Variants in TRAPPC9 observed in about 807,000 individuals in gnomAD.
TRAPPC9 encodes the protein IKK2 binding protein.
TRAPPC9 carries 83 observed loss-of-function variants against 124.0 expected under a neutral mutation model. The ratio of observed to expected loss-of-function variants is 0.67; its 90% CI spans 0.56 to 0.80. The LOEUF (loss-of-function observed/expected upper bound fraction) is 0.80, where lower values mean the gene tolerates loss of function less well. TRAPPC9 is among the 30% of genes least tolerant of loss of function. The pLI, the probability that TRAPPC9 is intolerant of heterozygous loss-of-function variation, is 0.00. For synonymous variants in TRAPPC9, 638 were observed against 617.5 expected, an observed-to-expected ratio of 1.03 and a Z score of -0.49; for missense variants, 1,302 against 1,508.3, an observed-to-expected ratio of 0.86 and a Z score of 2.27.
rs1042365120 is a variant in TRAPPC9, at chr8:140,395,974, T to C, written c.1134+1646A>G. 5.3e-5 allele frequency among the ~76,000 whole-genome samples: 8 copies of C among 152,072 alleles called. No individual in the cohort carries two copies. In the East Asian group the frequency reaches 1.5e-3, roughly 29 times the overall value. On this transcript the variant is annotated intron_variant, in intron 7 of 22. Coordinates refer to ENST00000438773, the MANE Select transcript of TRAPPC9 (RefSeq NM_001160372.4). ...CTTTCCACGTAGACTCCCAAGCACG[T>C]TTCCAGCGGGCTGGCCTTCCTGCCA...
intron 9 of TRAPPC9, among the ~76,000 whole-genome samples, chr8:140,313,260 T>C (rs531946328): frequency 2.9e-4 from 44 of 152,344 alleles, no homozygotes; most frequent in Admixed American, 1.6e-3. Flanking sequence ...AGAGCACTTA[T>C]GGTTGAGGTA....
At chr8:139,875,360 C>T (rs550166629) in intron 21 of TRAPPC9, among the ~76,000 whole-genome samples, 1 of 152,286 alleles carries the variant, frequency 6.6e-6, no homozygotes, top group East Asian at 1.9e-4. Context: ...GGAGACTGCG[C>T]CTGAAACACA....
At chr8:140,354,127 G>A (rs2067669684) in intron 9 of TRAPPC9, among the ~76,000 whole-genome samples, 2 of 152,168 alleles carry the variant, frequency 1.3e-5, no homozygotes, top group Non-Finnish European at 2.9e-5. Flanking sequence ...TGTGAGAGTG[G>A]GAAAAGATGA....
At chr8:139,893,680 T>G (rs542186508) in intron 20 of TRAPPC9, among the ~76,000 whole-genome samples, 1 of 152,348 alleles carries the variant, frequency 6.6e-6, no homozygotes, top group East Asian at 1.9e-4. Context: ...TCACCAGCAG[T>G]GCACCCACAA....
At chr8:139,761,174 A>G (rs1308412261) in intron 21 of TRAPPC9, among the ~76,000 whole-genome samples, 3 of 152,232 alleles carry the variant, frequency 2.0e-5, no homozygotes, top group Non-Finnish European at 4.4e-5. Context: ...TCCCTGAACC[A>G]CGTCCTGGGC....
intron 17 of TRAPPC9, among the ~76,000 whole-genome samples, chr8:140,111,402 C>T (rs1026846374): frequency 3.3e-5 from 5 of 152,172 alleles, no homozygotes; most frequent in Non-Finnish European, 7.3e-5. Context: ...AGCACCCTAA[C>T]CCCATGCTGT....
chr8:139,982,105 C>A (rs1426120824), intron 19 of TRAPPC9, among the ~76,000 whole-genome samples: 1 of 152,070 alleles, frequency 6.6e-6, no homozygotes, highest in Admixed American at 6.5e-5. Flanking sequence ...GGCAAAAAAA[C>A]CCACAATTGT....
chr8:140,398,182 C>A (rs1337785025), intron 6 of TRAPPC9, among the ~76,000 whole-genome samples: 2 of 152,220 alleles, frequency 1.3e-5, no homozygotes, highest in South Asian at 2.1e-4. Context: ...TCCAGTTAAA[C>A]CTCTTTCTTT....
At chr8:140,458,190 A>G, upstream of TRAPPC9, 1 of 1,548,038 alleles carries the variant, frequency 6.5e-7, no homozygotes, top group Non-Finnish European at 8.7e-7. Context: ...GGAGGGAGGG[A>G]CCGGAGCAAG....
intron 21 of TRAPPC9, among the ~76,000 whole-genome samples, chr8:139,745,402 G>A (rs1252110893): frequency 6.6e-6 from 1 of 152,250 alleles, no homozygotes; most frequent in African/African-American, 2.4e-5. Flanking sequence ...TGAACAGAGG[G>A]GTGTGAATCA....
At chr8:140,091,702 G>A (rs776526282) in intron 17 of TRAPPC9, among the ~76,000 whole-genome samples, 1 of 152,180 alleles carries the variant, frequency 6.6e-6, no homozygotes, top group Admixed American at 6.5e-5. Flanking sequence ...CTGCGGCAGG[G>A]GCAAGAGGGG....
At chr8:140,419,643 T>C (rs2070124099) in intron 5 of TRAPPC9, among the ~76,000 whole-genome samples, 1 of 151,540 alleles carries the variant, frequency 6.6e-6, no homozygotes, top group Non-Finnish European at 1.5e-5. Context: ...TCCAACACTT[T>C]GGGAGGCCGA....
rs923452628 is a variant in TRAPPC9 at position 140,377,957 on chromosome 8, CA to C, written c.1135-6778del. Among the ~76,000 whole-genome samples the C allele has an allele frequency of 2.4e-3, 339 of 140,726 alleles. 1 individual carries two copies. The highest frequency in any genetic ancestry group is 5.2e-3 in the African/African-American group (201 of 38,492). 92.3% of individuals were successfully genotyped at this position (140,726 alleles called of 152,430 possible). A position where few individuals can be genotyped will look rare whatever the true frequency, so the allele number is the denominator to read the frequency against. On this transcript the variant is annotated intron_variant, in intron 7 of 22. Transcript: ENST00000438773. ...CATGAGTGACAGAGCAAGACTGTCT[CA>C]AAAAAAAAAAATACTTTGGGATACT...
At chr8:140,026,407 C>T (rs1294743873) in intron 17 of TRAPPC9, among the ~76,000 whole-genome samples, 1 of 152,128 alleles carries the variant, frequency 6.6e-6, no homozygotes, top group Non-Finnish European at 1.5e-5. Context: ...TGAGAAGCCA[C>T]CATATTGTTT....
intron 17 of TRAPPC9, among the ~76,000 whole-genome samples, chr8:140,124,511 T>A (rs959518210): frequency 2.6e-5 from 4 of 152,174 alleles, no homozygotes; most frequent in African/African-American, 9.7e-5. Context: ...TCAGGTCACA[T>A]GTACACAAGG....
intron 21 of TRAPPC9, among the ~76,000 whole-genome samples, chr8:139,883,807 C>T (rs771199715): frequency 1.3e-5 from 2 of 152,234 alleles, no homozygotes; most frequent in African/African-American, 2.4e-5. Flanking sequence ...TGGCCTGTAA[C>T]GCAGTGCTCC....
upstream of TRAPPC9, chr8:140,458,470 G>T: frequency 6.4e-7 from 1 of 1,572,784 alleles, no homozygotes; most frequent in South Asian, 1.2e-5. Context: ...GCGCCTCCAG[G>T]ATCGCAGGGC....
chr8:140,359,575 G>T lies in TRAPPC9; in HGVS notation c.1495+475C>A, dbSNP rs1243261255. ...GGGGGATGGAGTTACCCAGTGACTC[G>T]AAGGGGCACGAGGGGCCCTGGGTTC... On this transcript the variant is annotated intron_variant, in intron 9 of 22. Transcript: ENST00000438773. Among the ~76,000 whole-genome samples, 4 of 152,114 alleles carry T rather than the reference G, an allele frequency of 2.6e-5. No individual in the cohort carries two copies. The East Asian group carries it at 7.7e-4, about 29-fold the overall frequency.
At chr8:140,242,683 G>A (rs60157843) in intron 16 of TRAPPC9, among the ~76,000 whole-genome samples, 32,731 of 152,196 alleles carry the variant, frequency 0.22, 4,895 homozygotes, top group East Asian at 0.77. Flanking sequence ...GTTAGAGCCT[G>A]TGAAATCATT....
Sources: gnomAD v4.1 joint callset for allele counts (sites outside exome capture counted in the v4.1 genomes callset) on GRCh38, gnomAD v4.1.1 for gene constraint, MANE v1.5 for transcripts, NCBI Gene and HGNC (gene_info 2026-07-23, HGNC 2026-07-21) for gene names.